Variants in FBXW8 observed in about 807,000 individuals in gnomAD.
The protein encoded by FBXW8 is F-box and WD repeat domain containing 8.
A neutral mutation model predicts 65.3 loss-of-function variants in FBXW8; 57 were observed. That is an observed-to-expected ratio of 0.87 (90% CI 0.71 to 1.09). The LOEUF (loss-of-function observed/expected upper bound fraction) is 1.09, where lower values mean the gene tolerates loss of function less well. FBXW8 is among the 50% of genes least tolerant of loss of function. The pLI is 0.00. For synonymous variants in FBXW8, 308 were observed against 330.2 expected, an observed-to-expected ratio of 0.93 and a Z score of 0.73; for missense variants, 777 against 814.8, an observed-to-expected ratio of 0.95 and a Z score of 0.57.
rs976073724 is a variant in FBXW8, at chr12:116,911,034, G to A, written c.-4G>A. Reference sequence around the variant, plus strand: ...GAGAACGTGGAGCGCCGGGAGCGGCGAATATGGACGACTACAGCCTGGATG... The same window carrying A: ...GAGAACGTGGAGCGCCGGGAGCGGCAAATATGGACGACTACAGCCTGGATG... On this transcript the variant is annotated 5_prime_UTR_variant, in exon 1 of 11. Coordinates refer to ENST00000652555, the MANE Select transcript of FBXW8 (RefSeq NM_153348.3). 3.5e-6 allele frequency: 5 copies of A among 1,418,286 alleles called. No individual in the cohort carries two copies. In the African/African-American group the frequency reaches 6.0e-5, roughly 17 times the overall value. The allele number at this position is 1,418,286 out of a possible 1,614,324, so 87.9% of individuals were successfully genotyped here.
chr12:117,001,213 G>C (rs1035246552), intron 7 of FBXW8, among the ~76,000 whole-genome samples: 4 of 152,222 alleles, frequency 2.6e-5, no homozygotes, highest in African/African-American at 9.6e-5. Context: ...AGTGAGTAGA[G>C]GCCGTTATGC....
At chr12:116,992,264 C>G (rs1055725084) in intron 7 of FBXW8, among the ~76,000 whole-genome samples, 5 of 152,090 alleles carry the variant, frequency 3.3e-5, no homozygotes, top group Admixed American at 1.3e-4. Flanking sequence ...CCTGAAACAT[C>G]TTGATTTGCT....
chr12:117,024,585 C>T (rs1239430525), intron 9 of FBXW8, among the ~76,000 whole-genome samples: 1 of 152,200 alleles, frequency 6.6e-6, no homozygotes, highest in Non-Finnish European at 1.5e-5. Context: ...TTAGCCAGGC[C>T]CAGCTTTCTC....
intron 1 of FBXW8, among the ~76,000 whole-genome samples, chr12:116,925,491 A>G (rs934168506): frequency 2.0e-5 from 3 of 152,170 alleles, no homozygotes; most frequent in Admixed American, 2.0e-4. Context: ...AGGAGTCTAC[A>G]TATTTCTTAA....
intron 2 of FBXW8, among the ~76,000 whole-genome samples, chr12:116,942,374 A>ATT (rs57576794): frequency 0.03 from 4,054 of 133,990 alleles, 132 homozygotes; most frequent in African/African-American, 0.066. Flanking sequence ...AAGTTTCCTG[A>ATT]TTTTTTTTTT....
chr12:117,002,669 T>C (rs1055435574), intron 7 of FBXW8: 2 of 152,240 alleles, frequency 1.3e-5, no homozygotes, highest in Admixed American at 1.3e-4. Flanking sequence ...CTCTGGCTGA[T>C]TGTCAAAAAT....
At chr12:117,006,004 A>C (rs1336793113) in intron 7 of FBXW8, among the ~76,000 whole-genome samples, 1 of 152,124 alleles carries the variant, frequency 6.6e-6, no homozygotes, top group Admixed American at 6.5e-5. Context: ...GCGGCCAACA[A>C]ATCATCTTCA....
At chr12:116,945,122 A>G (rs1882844798) in intron 2 of FBXW8, among the ~76,000 whole-genome samples, 1 of 152,234 alleles carries the variant, frequency 6.6e-6, no homozygotes, top group Non-Finnish European at 1.5e-5. Context: ...TTGTTAGATT[A>G]CAATATAACC....
At chr12:117,007,714 T>A (rs1161688368) in intron 7 of FBXW8, among the ~76,000 whole-genome samples, 4 of 152,220 alleles carry the variant, frequency 2.6e-5, no homozygotes, top group African/African-American at 9.7e-5. Context: ...ATTAGTCTAA[T>A]GCATGGTCTT....
chr12:116,980,816 A>G (rs1437489172), intron 5 of FBXW8, among the ~76,000 whole-genome samples: 1 of 152,100 alleles, frequency 6.6e-6, no homozygotes, highest in Admixed American at 6.5e-5. Context: ...TCATTGTTCC[A>G]TTGTGCTTTG....
chr12:116,947,912 C>G (rs1883038669), intron 3 of FBXW8, among the ~76,000 whole-genome samples: 1 of 152,100 alleles, frequency 6.6e-6, no homozygotes, highest in Non-Finnish European at 1.5e-5. Context: ...CCTGCAGAGC[C>G]TGGTCCACGC....
chr12:117,030,026 T>C lies in FBXW8; in HGVS notation c.*1854T>C, dbSNP rs937017814. 6.6e-6 allele frequency: 1 copy of C among 152,116 alleles called. No individual in the cohort carries two copies. The highest frequency in any genetic ancestry group is 1.5e-5 in the Non-Finnish European group (1 of 68,028). 9.4% of individuals were successfully genotyped at this position (152,116 alleles called of 1,614,324 possible). On this transcript the variant is annotated 3_prime_UTR_variant, in exon 11 of 11. Coordinates refer to ENST00000652555, the MANE Select transcript of FBXW8 (RefSeq NM_153348.3). ...TGAGGATGCAGAAGTACCTACCACA[T>C]GGGAACCGTTTGTCCACACTCATTC...
At chr12:116,976,905 C>G (rs147530283) in intron 5 of FBXW8, among the ~76,000 whole-genome samples, 67 of 152,202 alleles carry the variant, frequency 4.4e-4, no homozygotes, top group African/African-American at 1.5e-3. Context: ...AGGGGGTAAT[C>G]AAAAAAGTCT....
chr12:116,932,955 TA>T (rs1253810136), intron 2 of FBXW8, among the ~76,000 whole-genome samples: 14 of 152,356 alleles, frequency 9.2e-5, no homozygotes, highest in African/African-American at 3.4e-4. Flanking sequence ...CATTGGCAGA[TA>T]TTTTTTGATG....
intron 7 of FBXW8, among the ~76,000 whole-genome samples, chr12:117,006,519 C>T (rs529700592): frequency 8.4e-4 from 128 of 152,384 alleles, no homozygotes; most frequent in African/African-American, 2.9e-3. Flanking sequence ...CTGCCCACGG[C>T]GGTGGCTGAT....
At chr12:117,019,693 A>G (rs1236781830) in intron 8 of FBXW8, among the ~76,000 whole-genome samples, 1 of 152,172 alleles carries the variant, frequency 6.6e-6, no homozygotes, top group Non-Finnish European at 1.5e-5. Context: ...GTAACCGAGA[A>G]TGCCCGCGCA....
intron 7 of FBXW8, among the ~76,000 whole-genome samples, chr12:116,993,821 A>G (rs1048128116): frequency 4.6e-5 from 7 of 152,200 alleles, no homozygotes; most frequent in Non-Finnish European, 1.0e-4. Flanking sequence ...GCCTAGGCCA[A>G]TGTCCAGAAG....
At chr12:117,024,464 CTGCTG>C in intron 9 of FBXW8, 144 bp downstream of exon 9, 2 of 909,074 alleles carry the variant, frequency 2.2e-6, no homozygotes, top group South Asian at 3.3e-5. Context: ...TAGGAGCCAG[CTGCTG>C]TCCCAGCACC....
chr12:116,929,196 C>G (rs1384734841), intron 2 of FBXW8, among the ~76,000 whole-genome samples: 1 of 152,084 alleles, frequency 6.6e-6, no homozygotes, highest in Non-Finnish European at 1.5e-5. Flanking sequence ...TAACATCGTT[C>G]TCTTGTTCTC....
Sources: gnomAD v4.1 joint callset for allele counts (sites outside exome capture counted in the v4.1 genomes callset) on GRCh38, gnomAD v4.1.1 for gene constraint, MANE v1.5 for transcripts, NCBI Gene and HGNC (gene_info 2026-07-23, HGNC 2026-07-21) for gene names.